NRXN1: variants seen among roughly 807,000 people sequenced by gnomAD.
NRXN1 encodes the protein neurexin 1.
In NRXN1, 39 loss-of-function variants were observed where a neutral mutation model predicts 150.9. The observed-to-expected ratio is 0.26, with a 90% confidence interval of 0.20 to 0.34. NRXN1 has a LOEUF of 0.34. Ranked by LOEUF, NRXN1 falls within the 10% of genes least tolerant of loss-of-function variation. The pLI, the probability that NRXN1 is intolerant of heterozygous loss-of-function variation, is 1.00. For missense variants in NRXN1, 1,815 were observed against 1,949.9 expected, an observed-to-expected ratio of 0.93 and a Z score of 1.30; for synonymous variants, 924 against 757.0, an observed-to-expected ratio of 1.22 and a Z score of -3.62.
chr2:50,031,206 T>A (rs1218138735), intron 21 of NRXN1, among the ~76,000 whole-genome samples: 1 of 152,066 alleles, frequency 6.6e-6, no homozygotes, highest in Non-Finnish European at 1.5e-5. Context: ...GTATACAATT[T>A]TATGAATCAA....
At chr2:49,964,768 G>A (rs893647269) in intron 21 of NRXN1, among the ~76,000 whole-genome samples, 3 of 152,200 alleles carry the variant, frequency 2.0e-5, no homozygotes, top group African/African-American at 7.2e-5. Context: ...TTGAACCCAG[G>A]AGGTGGAGGT....
intron 21 of NRXN1, among the ~76,000 whole-genome samples, chr2:50,052,244 G>T (rs1305995307): frequency 1.3e-5 from 2 of 152,008 alleles, no homozygotes; most frequent in Non-Finnish European, 2.9e-5. Flanking sequence ...TCTTCAGAAT[G>T]CATTTTTCTG....
chr2:50,061,741 G>T (rs1225420496), intron 19 of NRXN1, among the ~76,000 whole-genome samples: 2 of 152,150 alleles, frequency 1.3e-5, no homozygotes, highest in Non-Finnish European at 2.9e-5. Context: ...CTTTTCCCAT[G>T]ATAAAAGCAA....
intron 15 of NRXN1, among the ~76,000 whole-genome samples, chr2:50,484,373 A>T (rs2090714740): frequency 6.6e-6 from 1 of 152,198 alleles, no homozygotes; most frequent in African/African-American, 2.4e-5. Flanking sequence ...TTCCTAGTGC[A>T]TGTCTCCAAA....
intron 17 of NRXN1, among the ~76,000 whole-genome samples, chr2:50,256,736 A>G (rs1243922962): frequency 6.6e-6 from 1 of 152,120 alleles, no homozygotes; most frequent in Non-Finnish European, 1.5e-5. Context: ...TGAAGGGTCT[A>G]TTGACTAACT....
intron 2 of NRXN1, among the ~76,000 whole-genome samples, chr2:51,021,943 C>A (rs1331462484): frequency 6.6e-6 from 1 of 151,972 alleles, no homozygotes; most frequent in Non-Finnish European, 1.5e-5. Context: ...TCACAAAATT[C>A]TCAGAATGTG....
chr2:50,315,118 A>G (rs1425322805), intron 17 of NRXN1, among the ~76,000 whole-genome samples: 1 of 152,078 alleles, frequency 6.6e-6, no homozygotes, highest in Admixed American at 6.6e-5. Flanking sequence ...AACGACCACA[A>G]TAAACACAGT....
At chr2:50,030,162 A>G (rs889822148) in intron 21 of NRXN1, among the ~76,000 whole-genome samples, 1 of 152,162 alleles carries the variant, frequency 6.6e-6, no homozygotes, top group Admixed American at 6.6e-5. Context: ...CAGCTTGACT[A>G]AAGGTTAGAC....
chr2:50,930,283 A>G (rs1457269423), intron 2 of NRXN1, among the ~76,000 whole-genome samples: 1 of 152,094 alleles, frequency 6.6e-6, no homozygotes, highest in Non-Finnish European at 1.5e-5. Flanking sequence ...CACACTAGAA[A>G]CACTTAAAAC....
intron 5 of NRXN1, among the ~76,000 whole-genome samples, chr2:50,629,335 A>C (rs114443567): frequency 5.1e-4 from 78 of 151,778 alleles, no homozygotes; most frequent in African/African-American, 1.8e-3. Flanking sequence ...ATCTCACAAT[A>C]ATAATGTTTA....
At chr2:50,240,558 T>A (rs2065915618) in intron 17 of NRXN1, among the ~76,000 whole-genome samples, 1 of 151,672 alleles carries the variant, frequency 6.6e-6, no homozygotes, top group Admixed American at 6.6e-5. Context: ...TTTCAAAATC[T>A]ACCTCCTTTA....
chr2:50,847,588 C>G (rs1346416386), intron 5 of NRXN1, among the ~76,000 whole-genome samples: 2 of 152,170 alleles, frequency 1.3e-5, no homozygotes, highest in Non-Finnish European at 2.9e-5. Context: ...CCAAGACTAC[C>G]CTGGCCCATC....
chr2:50,519,101 T>C (rs1288952448), intron 12 of NRXN1, among the ~76,000 whole-genome samples: 1 of 151,916 alleles, frequency 6.6e-6, no homozygotes, highest in East Asian at 1.9e-4. Context: ...GTGTCTTGCT[T>C]TCTTTTTGTT....
chr2:50,799,039 C>T (rs946519360), intron 5 of NRXN1, among the ~76,000 whole-genome samples: 3 of 152,036 alleles, frequency 2.0e-5, no homozygotes, highest in Non-Finnish European at 4.4e-5. Flanking sequence ...ACTACTTTTG[C>T]ACCAGCCTAA....
intron 17 of NRXN1, among the ~76,000 whole-genome samples, chr2:50,297,927 G>A (rs1159836315): frequency 8.5e-5 from 13 of 152,070 alleles, no homozygotes; most frequent in African/African-American, 2.4e-4. Flanking sequence ...AACAAAATCC[G>A]GGCACTTGAC....
chr2:50,070,593 A>T (rs1433833887), intron 19 of NRXN1, among the ~76,000 whole-genome samples: 3 of 151,512 alleles, frequency 2.0e-5, no homozygotes, highest in African/African-American at 7.3e-5. Flanking sequence ...AAACGGTGAA[A>T]CCCCGTCTCT....
intron 22 of NRXN1, among the ~76,000 whole-genome samples, chr2:49,941,203 T>C (rs1195711605): frequency 1.3e-5 from 2 of 151,816 alleles, no homozygotes; most frequent in African/African-American, 2.4e-5. Flanking sequence ...GTAAACATGA[T>C]TGTTTCAGAT....
At chr2:50,955,134 G>A (rs1346567033) in intron 2 of NRXN1, among the ~76,000 whole-genome samples, 1 of 152,072 alleles carries the variant, frequency 6.6e-6, no homozygotes, top group African/African-American at 2.4e-5. Flanking sequence ...GTCTGGTTAG[G>A]GAAGTAACAT....
At chr2:50,744,488 T>C (rs924246017) in intron 5 of NRXN1, among the ~76,000 whole-genome samples, 1 of 152,150 alleles carries the variant, frequency 6.6e-6, no homozygotes, top group Non-Finnish European at 1.5e-5. Flanking sequence ...TAAATCTGAA[T>C]TATTCCATTC....
Sources: allele counts gnomAD v4.1 joint callset (sites outside exome capture counted in the v4.1 genomes callset), GRCh38; gene constraint gnomAD v4.1.1; transcripts MANE v1.5; gene names NCBI Gene and HGNC (gene_info 2026-07-23, HGNC 2026-07-21).